Variants in GPR137B observed in about 807,000 individuals in gnomAD.
GPR137B encodes G protein-coupled receptor 137B, also known as integral membrane protein GPR137B.
Under a neutral mutation model 42.5 loss-of-function variants are expected in GPR137B, and 42 were observed. The ratio of observed to expected loss-of-function variants is 0.99; its 90% CI spans 0.77 to 1.28. The LOEUF (loss-of-function observed/expected upper bound fraction) is 1.28. Ranked by LOEUF, GPR137B falls within the 50% of genes most tolerant of loss-of-function variation. The pLI is 0.00. For synonymous variants in GPR137B, 218 were observed against 209.7 expected, an observed-to-expected ratio of 1.04 and a Z score of -0.34; for missense variants, 487 against 493.9, an observed-to-expected ratio of 0.99 and a Z score of 0.13.
chr1:236,166,909 C>T (rs1285165352), intron 1 of GPR137B, among the ~76,000 whole-genome samples: 1 of 152,044 alleles, frequency 6.6e-6, no homozygotes, highest in Non-Finnish European at 1.5e-5. Flanking sequence ...ATTTCAGCCT[C>T]CTCCCTGAGA....
intron 2 of GPR137B, among the ~76,000 whole-genome samples, chr1:236,177,365 C>T (rs1488678825): frequency 6.6e-6 from 1 of 151,948 alleles, no homozygotes; most frequent in Admixed American, 6.6e-5. Context: ...CCCTACCCAC[C>T]GACTTATCAT....
intron 1 of GPR137B, among the ~76,000 whole-genome samples, chr1:236,164,954 G>C (rs1662309568): frequency 6.6e-6 from 1 of 152,050 alleles, no homozygotes. Context: ...GCCCAGGCTG[G>C]AGTGCAATGG....
chr1:236,199,014 G>A (rs754847209), intron 5 of GPR137B, among the ~76,000 whole-genome samples: 1 of 152,156 alleles, frequency 6.6e-6, no homozygotes, highest in Non-Finnish European at 1.5e-5. Flanking sequence ...TCCTGATTCA[G>A]TATAATGTTG....
chr1:236,152,618 G>C (rs534877188), intron 1 of GPR137B, among the ~76,000 whole-genome samples: 4 of 152,068 alleles, frequency 2.6e-5, no homozygotes, highest in Admixed American at 1.3e-4. Context: ...TTAGCTAGGC[G>C]TGGTGGGCGC....
chr1:236,145,168 T>A (rs1168078222), intron 1 of GPR137B, among the ~76,000 whole-genome samples: 1 of 152,222 alleles, frequency 6.6e-6, no homozygotes, highest in Non-Finnish European at 1.5e-5. Flanking sequence ...CAAAGCCATT[T>A]CTGGCTTAGT....
intron 3 of GPR137B, 149 bp downstream of exon 3, chr1:236,178,785 G>GTTTTGTTTTTT (rs1662772317): frequency 2.1e-5 from 1 of 48,310 alleles, no homozygotes; most frequent in East Asian, 5.4e-4. Context: ...GCTACTCGAG[G>GTTTTGTTTTTT]TTTTTTTTTT....
In GPR137B at chr1:236,148,398, C is replaced by G. The variant is rs184954393; in HGVS notation, c.414+5362C>G. The stretch of plus-strand genomic sequence containing the variant: ...CGGAATTCCCAGCCTGGAACTCAGA[C>G]TCTCCAGATTCCCGAGTTTGGCAGG... On this transcript the variant is annotated intron_variant, in intron 1 of 6. Transcript: ENST00000366592. Among the ~76,000 whole-genome samples, 29 of 152,338 alleles carry G rather than the reference C, an allele frequency of 1.9e-4. No homozygotes were observed. In the East Asian group the frequency reaches 5.2e-3, roughly 27 times the overall value.
At chr1:236,188,929 G>A (rs934086785) in intron 5 of GPR137B, among the ~76,000 whole-genome samples, 4 of 152,070 alleles carry the variant, frequency 2.6e-5, no homozygotes, top group Non-Finnish European at 4.4e-5. Flanking sequence ...GGTAGAATTC[G>A]GCTGTGAATC....
rs145077949 is a variant in GPR137B at position 236,205,226 on chromosome 1, T to G, written c.1067T>G (p.Ile356Ser). 3 of 1,613,566 alleles carry G rather than the reference T, an allele frequency of 1.9e-6. No homozygotes were observed. Among genetic ancestry groups the G allele is most frequent in the Non-Finnish European group, 2.5e-6 (3 of 1,179,558 alleles). Residue 356 changes from isoleucine (I) to serine (S), a missense_variant, in exon 6 of 7, where the codon ATT becomes AGT. Ile to Ser is a moderately radical substitution (Grantham distance 142). Transcript: ENST00000366592. ...AGTGATGATGACCTTGCCTGGAACA[T>G]TGCCCCTCAGGGACTTCAGGGAGGG... is the stretch of plus-strand genomic sequence containing the variant. Reference protein sequence around the residue: ...YDSDDDLAWNIAPQGLQGGFA... With the variant: ...YDSDDDLAWNSAPQGLQGGFA...
chr1:236,173,206 G>T (rs929785898), intron 2 of GPR137B, among the ~76,000 whole-genome samples: 1 of 151,020 alleles, frequency 6.6e-6, no homozygotes, highest in Non-Finnish European at 1.5e-5. Flanking sequence ...TGAGAGACTC[G>T]CTTGAGCCTA....
chr1:236,187,885 A>G (rs1255382012), intron 5 of GPR137B, among the ~76,000 whole-genome samples: 1 of 152,196 alleles, frequency 6.6e-6, no homozygotes, highest in Non-Finnish European at 1.5e-5. Flanking sequence ...TGGTAGCTTG[A>G]TGGGGATAGC....
At chr1:236,193,533 TG>T (rs1248893316) in intron 5 of GPR137B, among the ~76,000 whole-genome samples, 1 of 152,178 alleles carries the variant, frequency 6.6e-6, no homozygotes, top group Non-Finnish European at 1.5e-5. Context: ...TCCTAGCACT[TG>T]TTATCTGACT....
chr1:236,166,896 C>T (rs1484644079), intron 1 of GPR137B, among the ~76,000 whole-genome samples: 1 of 152,220 alleles, frequency 6.6e-6, no homozygotes, highest in African/African-American at 2.4e-5. Context: ...AAGCGATCCT[C>T]CCATTTCAGC....
intron 5 of GPR137B, among the ~76,000 whole-genome samples, chr1:236,184,870 G>A (rs1176314041): frequency 5.3e-5 from 8 of 151,964 alleles, no homozygotes; most frequent in African/African-American, 1.4e-4. Flanking sequence ...GGGTTTAAGC[G>A]ATTCTCCTGC....
At chr1:236,206,705 G>A (rs111265592) in intron 6 of GPR137B, among the ~76,000 whole-genome samples, 373 of 152,358 alleles carry the variant, frequency 2.4e-3, no homozygotes, top group Middle Eastern at 0.017. Flanking sequence ...GGCATGGTCT[G>A]CAAACAGGAA....
At chr1:236,169,271 G>T (rs1019636235) in intron 2 of GPR137B, among the ~76,000 whole-genome samples, 5 of 151,296 alleles carry the variant, frequency 3.3e-5, no homozygotes, top group African/African-American at 9.8e-5. Context: ...GCAGGGCCTC[G>T]CCCCTGCAGC....
intron 2 of GPR137B, among the ~76,000 whole-genome samples, chr1:236,170,437 A>G (rs776175006): frequency 6.6e-6 from 1 of 152,162 alleles, no homozygotes; most frequent in African/African-American, 2.4e-5. Context: ...GGGCCAAGAT[A>G]CAAGTCCCAA....
chr1:236,163,026 G>A (rs912594266), intron 1 of GPR137B, among the ~76,000 whole-genome samples: 9 of 152,188 alleles, frequency 5.9e-5, no homozygotes, highest in African/African-American at 1.4e-4. Flanking sequence ...ACACCAGCCC[G>A]TGAAAGCAGC....
At chr1:236,191,417 T>C (rs775429813) in intron 5 of GPR137B, among the ~76,000 whole-genome samples, 1 of 152,170 alleles carries the variant, frequency 6.6e-6, no homozygotes, top group Non-Finnish European at 1.5e-5. Context: ...GGAGGAGAAG[T>C]GGCATTCTGG....
Sources: gnomAD v4.1 joint callset for allele counts (sites outside exome capture counted in the v4.1 genomes callset) on GRCh38, gnomAD v4.1.1 for gene constraint, MANE v1.5 for transcripts, NCBI Gene and HGNC (gene_info 2026-07-23, HGNC 2026-07-21) for gene names.